The following JPH1 variants were observed in gnomAD, a reference collection of about 807,000 sequenced individuals.
JPH1 encodes junctophilin-1.
Under a neutral mutation model 53.6 loss-of-function variants are expected in JPH1, and 12 were observed. The ratio of observed to expected loss-of-function variants is 0.22; its 90% CI spans 0.14 to 0.36. The LOEUF (loss-of-function observed/expected upper bound fraction) is 0.36. JPH1 is among the 10% of genes least tolerant of loss of function. The pLI is 1.00. For missense variants in JPH1, 808 were observed against 905.5 expected (o/e 0.89, Z 1.38); for synonymous variants, 375 against 363.8 (o/e 1.03, Z -0.35).
rs753902313 is a variant in JPH1 at position 74,315,744 on chromosome 8, T to C, written c.380-124A>G. 1.8e-5 allele frequency: 17 copies of C among 923,892 alleles called. No individual in the cohort carries two copies. The highest frequency in any genetic ancestry group is 2.5e-5 in the Non-Finnish European group (16 of 652,816). The allele number at this position is 923,892 out of a possible 1,614,324, so 57.2% of individuals were successfully genotyped here. ...ATCTGACCCATTTCCAAGTCAACCC[T>C]GGGGGATACTTTGCATCCACTTGTG... On this transcript the variant is annotated intron_variant, in intron 1 of 5. Coordinates refer to ENST00000342232, the MANE Select transcript of JPH1 (RefSeq NM_020647.4). The surrounding 1 kb of genome is among the most constrained non-coding windows in gnomAD (Gnocchi z 6.3).
chr8:74,300,429 C>A (rs1474600776), intron 2 of JPH1, among the ~76,000 whole-genome samples: 1 of 152,120 alleles, frequency 6.6e-6, no homozygotes, highest in Non-Finnish European at 1.5e-5. Flanking sequence ...GGGGGTCAGG[C>A]CCACGCTTTT....
chr8:74,283,270 T>A (rs1807062372), intron 2 of JPH1, among the ~76,000 whole-genome samples: 1 of 151,760 alleles, frequency 6.6e-6, no homozygotes, highest in Non-Finnish European at 1.5e-5. Context: ...TATATATTTT[T>A]AAATTATAAA....
At chr8:74,279,613 A>C (rs1323641639) in intron 2 of JPH1, among the ~76,000 whole-genome samples, 1 of 152,212 alleles carries the variant, frequency 6.6e-6, no homozygotes, top group Non-Finnish European at 1.5e-5. Context: ...CCTGTGATAT[A>C]TTCGTTTCCT....
In JPH1 at chr8:74,321,281, C is replaced by T; in HGVS notation, c.7G>A (p.Gly3Ser). The change falls in exon 1 of 6, where the codon GGC becomes AGC. Residue 3 changes from glycine (G) to serine (S), a missense_variant. Transcript: ENST00000342232. The surrounding 1 kb of genome is among the most constrained non-coding windows in gnomAD (Gnocchi z 4.3). ...CCATCGTCGAAGTCGAACCTTCCGC[C>T]CGTCATTCGGGGGGCAGCCCCGGCG... MTGGRFDFDDGGT... is the reference protein window; with the variant it reads MTSGRFDFDDGGT... 6.3e-7 allele frequency: 1 copy of T among 1,575,540 alleles called. No individual in the cohort carries two copies.
intron 2 of JPH1, among the ~76,000 whole-genome samples, chr8:74,297,221 G>A (rs1447576256): frequency 1.3e-5 from 2 of 152,178 alleles, no homozygotes; most frequent in South Asian, 2.1e-4. Flanking sequence ...GCAGGAGCAG[G>A]GTTGATCAGA....
chr8:74,241,693 A>C lies in JPH1; in HGVS notation c.1905+2836T>G, dbSNP rs1233768097. 2.0e-5 allele frequency among the ~76,000 whole-genome samples: 3 copies of C among 152,232 alleles called. No individual in the cohort carries two copies. In the East Asian group the frequency reaches 5.8e-4, roughly 29 times the overall value. On this transcript the variant is annotated intron_variant, in intron 4 of 5. Transcript: ENST00000342232. ...GAAGAACAAAGTTTAATTAAGTATT[A>C]ACAGCAAAGTTTAATTATATATATT...
At chr8:74,306,390 C>T (rs895030989) in intron 2 of JPH1, among the ~76,000 whole-genome samples, 7 of 152,066 alleles carry the variant, frequency 4.6e-5, no homozygotes, top group Admixed American at 2.6e-4. Context: ...AAAAATGTGA[C>T]GAAGTTAGAC....
rs139521391 is a variant in JPH1, at chr8:74,293,623, T to A, written c.1139+21238A>T. ...TCTCTGAGTAAAAACCAGGCTGTCA[T>A]GTTAAAGATTTTATAGGCATGCTTT... is the stretch of plus-strand genomic sequence containing the variant. On this transcript the variant is annotated intron_variant, in intron 2 of 5. Coordinates refer to ENST00000342232, the MANE Select transcript of JPH1 (RefSeq NM_020647.4). 3.9e-5 allele frequency among the ~76,000 whole-genome samples: 6 copies of A among 152,332 alleles called. 1 individual carries two copies. The East Asian group carries it at 1.2e-3, about 29-fold the overall frequency.
chr8:74,266,624 A>C (rs1357512426), intron 2 of JPH1, among the ~76,000 whole-genome samples: 1 of 152,216 alleles, frequency 6.6e-6, no homozygotes, highest in African/African-American at 2.4e-5. Flanking sequence ...GTTGCACAGC[A>C]ATGTGGGTCT....
intron 3 of JPH1, among the ~76,000 whole-genome samples, chr8:74,251,420 C>T (rs1446513937): frequency 6.6e-6 from 1 of 152,156 alleles, no homozygotes; most frequent in African/African-American, 2.4e-5. Flanking sequence ...TCTCAGAGGG[C>T]AATCTTCTAA....
Position 74,309,164 on chromosome 8 carries a change from C to A in JPH1, c.1139+5697G>T, listed in dbSNP as rs79000437. 6.1e-3 allele frequency among the ~76,000 whole-genome samples: 934 copies of A among 152,222 alleles called. 10 individuals carry two copies. The highest frequency in any genetic ancestry group is 0.022 in the African/African-American group (893 of 41,526). On this transcript the variant is annotated intron_variant, in intron 2 of 5. Coordinates refer to ENST00000342232, the MANE Select transcript of JPH1 (RefSeq NM_020647.4). ...GCAAAAGGAGCAGCATAGTCCCATG[C>A]GACTGGCCACCTATCCCCATCACTG...
At chr8:74,275,378 A>C (rs1806818261) in intron 2 of JPH1, among the ~76,000 whole-genome samples, 1 of 152,180 alleles carries the variant, frequency 6.6e-6, no homozygotes, top group Non-Finnish European at 1.5e-5. Context: ...AATATCATGA[A>C]AACACAACCC....
chr8:74,305,780 G>A (rs958808729), intron 2 of JPH1, among the ~76,000 whole-genome samples: 1 of 152,116 alleles, frequency 6.6e-6, no homozygotes, highest in East Asian at 1.9e-4. Flanking sequence ...TAATCAAAAT[G>A]GAAGTCCATG....
rs370650500 is a variant in JPH1 at position 74,296,762 on chromosome 8, T to C, written c.1139+18099A>G. Among the ~76,000 whole-genome samples the C allele has an allele frequency of 1.8e-4, 27 of 152,302 alleles. No individual in the cohort carries two copies. In the East Asian group the frequency reaches 2.3e-3, roughly 13 times the overall value. ...TTAAGATATAATTGACAAATAAATA[T>C]TGTATATATTTATAGCGTATAACGT... On this transcript the variant is annotated intron_variant, in intron 2 of 5. Transcript: ENST00000342232.
chr8:74,298,825 T>C (rs2131443365), intron 2 of JPH1, among the ~76,000 whole-genome samples: 1 of 152,314 alleles, frequency 6.6e-6, no homozygotes, highest in South Asian at 2.1e-4. Context: ...TTATTACCTT[T>C]CTGGATGTTT....
At chr8:74,243,424 AAAG>A (rs1805757440) in intron 4 of JPH1, among the ~76,000 whole-genome samples, 1 of 152,258 alleles carries the variant, frequency 6.6e-6, no homozygotes, top group Non-Finnish European at 1.5e-5. Context: ...AAATTTGAAA[AAAG>A]AAGAGAACCA....
intron 3 of JPH1, among the ~76,000 whole-genome samples, chr8:74,254,286 CA>C (rs1806153420): frequency 6.6e-6 from 1 of 152,050 alleles, no homozygotes; most frequent in Non-Finnish European, 1.5e-5. Flanking sequence ...GAACCAAAGA[CA>C]AAAACCACAT....
intron 3 of JPH1, among the ~76,000 whole-genome samples, chr8:74,255,415 C>A (rs1444595144): frequency 5.9e-5 from 9 of 152,004 alleles, no homozygotes; most frequent in African/African-American, 1.9e-4. Context: ...TAAAGACTTA[C>A]ATGTTAGACC....
chr8:74,281,272 TTAAC>T (rs1288656073), intron 2 of JPH1, among the ~76,000 whole-genome samples: 1 of 152,228 alleles, frequency 6.6e-6, no homozygotes, highest in Non-Finnish European at 1.5e-5. Flanking sequence ...CAACTGGAAA[TTAAC>T]TAGCATTGCT....
Sources: gnomAD v4.1 joint callset for allele counts (sites outside exome capture counted in the v4.1 genomes callset) on GRCh38, gnomAD v4.1.1 for gene constraint, Gnocchi (gnomAD v3.1) non-coding constraint, MANE v1.5 for transcripts, NCBI Gene and HGNC (gene_info 2026-07-23, HGNC 2026-07-21) for gene names.